Variants in PARD3 observed in about 807,000 individuals in gnomAD.
PARD3 encodes par-3 family cell polarity regulator.
Under a neutral mutation model 155.4 loss-of-function variants are expected in PARD3, and 75 were observed. The ratio of observed to expected loss-of-function variants is 0.48; its 90% CI spans 0.40 to 0.58. The LOEUF is 0.58. Ranked by LOEUF, PARD3 falls within the 20% of genes least tolerant of loss-of-function variation. The pLI is 0.00. For synonymous variants in PARD3, 576 were observed against 610.5 expected (o/e 0.94, Z 0.83); for missense variants, 1,642 against 1,721.7 (o/e 0.95, Z 0.82).
intron 22 of PARD3, among the ~76,000 whole-genome samples, chr10:34,242,247 C>A (rs777864732): frequency 6.6e-5 from 10 of 152,080 alleles, no homozygotes; most frequent in Non-Finnish European, 8.8e-5. Context: ...ATCAGTCTGT[C>A]TTCCTTTTTT....
intron 18 of PARD3, among the ~76,000 whole-genome samples, chr10:34,332,974 A>T (rs1204095918): frequency 6.6e-6 from 1 of 152,198 alleles, no homozygotes; most frequent in Non-Finnish European, 1.5e-5. Context: ...GGAAAAGATC[A>T]TTCCTGGGCA....
At chr10:34,376,965 A>G (rs1398601711) in intron 10 of PARD3, among the ~76,000 whole-genome samples, 1 of 152,260 alleles carries the variant, frequency 6.6e-6, no homozygotes, top group Non-Finnish European at 1.5e-5. Context: ...TGTGCAAACC[A>G]TCACACAAAC....
At chr10:34,233,501 G>A (rs1953049030) in intron 22 of PARD3, among the ~76,000 whole-genome samples, 1 of 151,950 alleles carries the variant, frequency 6.6e-6, no homozygotes, top group South Asian at 2.1e-4. Context: ...CAGTCTACAT[G>A]TCTTCTCTGT....
At chr10:34,558,963 G>GTAAA (rs1491387385) in intron 2 of PARD3, among the ~76,000 whole-genome samples, 3 of 151,302 alleles carry the variant, frequency 2.0e-5, no homozygotes, top group African/African-American at 4.9e-5. Context: ...AAGTAAGTAA[G>GTAAA]TAAGTAAATA....
intron 3 of PARD3, among the ~76,000 whole-genome samples, chr10:34,500,767 A>G (rs2080640758): frequency 6.6e-6 from 1 of 152,190 alleles, no homozygotes. Context: ...TTATAATAAC[A>G]TAAAATGAAT....
intron 2 of PARD3, among the ~76,000 whole-genome samples, chr10:34,584,073 G>A (rs1448623061): frequency 6.6e-6 from 1 of 152,138 alleles, no homozygotes; most frequent in Non-Finnish European, 1.5e-5. Context: ...ATACAAGGAT[G>A]CCTGGCATGC....
intron 1 of PARD3, among the ~76,000 whole-genome samples, chr10:34,766,155 C>T (rs1038647291): frequency 1.3e-5 from 2 of 152,212 alleles, no homozygotes; most frequent in African/African-American, 2.4e-5. Context: ...ACACGTTGTA[C>T]TTGCATCAGA....
At chr10:34,443,379 T>C (rs2076568061) in intron 5 of PARD3, among the ~76,000 whole-genome samples, 1 of 152,198 alleles carries the variant, frequency 6.6e-6, no homozygotes, top group Admixed American at 6.5e-5. Context: ...ATATATTGTG[T>C]ATTGTATTAG....
chr10:34,560,022 C>T (rs1049188854), intron 2 of PARD3, among the ~76,000 whole-genome samples: 1 of 152,038 alleles, frequency 6.6e-6, no homozygotes, highest in Non-Finnish European at 1.5e-5. Context: ...TGAGATGGGA[C>T]ATATAATTAT....
intron 1 of PARD3, among the ~76,000 whole-genome samples, chr10:34,763,395 T>C (rs1437916282): frequency 6.6e-6 from 1 of 152,202 alleles, no homozygotes; most frequent in Non-Finnish European, 1.5e-5. Context: ...GTCTGTGATA[T>C]TAAGTGGCAA....
intron 5 of PARD3, among the ~76,000 whole-genome samples, chr10:34,416,629 A>G (rs1166802038): frequency 6.6e-6 from 1 of 152,166 alleles, no homozygotes. Context: ...TGGATTACTA[A>G]GAGAACAACC....
intron 1 of PARD3, among the ~76,000 whole-genome samples, chr10:34,752,085 A>G (rs758643438): frequency 3.3e-5 from 5 of 152,068 alleles, no homozygotes; most frequent in Non-Finnish European, 7.4e-5. Context: ...TTCTCAGTAC[A>G]TGATAATTTA....
intron 1 of PARD3, among the ~76,000 whole-genome samples, chr10:34,737,208 TA>T (rs150622648): frequency 0.011 from 1,678 of 152,262 alleles, 27 homozygotes; most frequent in African/African-American, 0.039. Context: ...GTTGAGCAAA[TA>T]GTCGGTGAGG....
In PARD3 at chr10:34,591,792, G is replaced by A. The variant is rs546873661; in HGVS notation, c.223-74633C>T. Reference sequence around the variant, plus strand: ...GTACAACTGGTGCAAGCTAAGCCGGGGGAGTTTCGATCAAGGTTAGGAGTT... The same window carrying A: ...GTACAACTGGTGCAAGCTAAGCCGGAGGAGTTTCGATCAAGGTTAGGAGTT... On this transcript the variant is annotated intron_variant, in intron 2 of 24. Transcript: ENST00000374788. 6.6e-5 allele frequency among the ~76,000 whole-genome samples: 10 copies of A among 152,236 alleles called. No individual in the cohort carries two copies. In the South Asian group the frequency reaches 8.3e-4, roughly 13 times the overall value.
intron 2 of PARD3, among the ~76,000 whole-genome samples, chr10:34,568,990 C>T (rs1194477454): frequency 1.3e-5 from 2 of 152,102 alleles, no homozygotes; most frequent in East Asian, 3.8e-4. Flanking sequence ...CAAATCTAAA[C>T]TCATCAAATT....
At chr10:34,176,693 A>G (rs983956006) in intron 22 of PARD3, among the ~76,000 whole-genome samples, 5 of 152,170 alleles carry the variant, frequency 3.3e-5, no homozygotes, top group Admixed American at 1.3e-4. Flanking sequence ...TAAGAGACTT[A>G]GGTTTTGGAA....
intron 20 of PARD3, among the ~76,000 whole-genome samples, chr10:34,308,596 C>T (rs1016506875): frequency 9.9e-5 from 15 of 152,032 alleles, no homozygotes; most frequent in African/African-American, 3.1e-4. Context: ...GAGCAGTTTG[C>T]GGGGAGGGGG....
intron 22 of PARD3, among the ~76,000 whole-genome samples, chr10:34,264,459 G>A (rs1045724548): frequency 2.6e-5 from 4 of 152,114 alleles, no homozygotes; most frequent in Non-Finnish European, 5.9e-5. Context: ...ACTTAAACAC[G>A]TAACAAATTC....
At chr10:34,416,743 G>C (rs1411986209) in intron 5 of PARD3, among the ~76,000 whole-genome samples, 1 of 152,226 alleles carries the variant, frequency 6.6e-6, no homozygotes, top group African/African-American at 2.4e-5. Flanking sequence ...TGAACAAATA[G>C]AGGTGGCTGC....
Sources: allele counts gnomAD v4.1 joint callset (sites outside exome capture counted in the v4.1 genomes callset), GRCh38; gene constraint gnomAD v4.1.1; transcripts MANE v1.5; gene names NCBI Gene and HGNC (gene_info 2026-07-23, HGNC 2026-07-21).